The following AGPAT3 variants were observed in gnomAD, a reference collection of about 807,000 sequenced individuals.
AGPAT3 encodes 1-acylglycerol-3-phosphate O-acyltransferase 3, also known as 1-acyl-sn-glycerol-3-phosphate acyltransferase gamma.
In AGPAT3, 5 loss-of-function variants were observed where a neutral mutation model predicts 47.3. That is an observed-to-expected ratio of 0.11 (90% CI 0.06 to 0.22). The LOEUF (loss-of-function observed/expected upper bound fraction) is 0.22. AGPAT3 is among the 10% of genes least tolerant of loss of function. AGPAT3 has a pLI of 1.00. For missense variants in AGPAT3, 315 were observed against 493.0 expected, an observed-to-expected ratio of 0.64 and a Z score of 3.42; for synonymous variants, 212 against 208.3, an observed-to-expected ratio of 1.02 and a Z score of -0.15.
chr21:43,976,073 ATT>A (rs528646179), intron 7 of AGPAT3, among the ~76,000 whole-genome samples: 1 of 136,604 alleles, frequency 7.3e-6, no homozygotes. Flanking sequence ...AATGATTTTT[ATT>A]TTTTTTTTTT....
chr21:43,879,227 G>A (rs141781785), intron 1 of AGPAT3, among the ~76,000 whole-genome samples: 3 of 151,804 alleles, frequency 2.0e-5, no homozygotes, highest in Non-Finnish European at 2.9e-5. Flanking sequence ...GTGCGTGCCT[G>A]TAATCCCAGC....
chr21:43,918,231 G>GTTGTGGGTGTTGCGGCGGTTGTGGGTT (rs2086801328), intron 2 of AGPAT3, among the ~76,000 whole-genome samples: 9 of 151,976 alleles, frequency 5.9e-5, no homozygotes, highest in African/African-American at 1.9e-4. Context: ...GGTTGTGGGT[G>GTTGTGGGTGTTGCGGCGGTTGTGGGTT]TTGTGGGTGT....
chr21:43,918,421 G>T (rs1055982275), intron 2 of AGPAT3, among the ~76,000 whole-genome samples: 2 of 152,066 alleles, frequency 1.3e-5, no homozygotes, highest in Admixed American at 6.5e-5. Context: ...AGGGAAAAGG[G>T]TATAATTGCA....
chr21:43,897,385 C>T (rs997433739), intron 1 of AGPAT3, among the ~76,000 whole-genome samples: 15 of 152,042 alleles, frequency 9.9e-5, no homozygotes, highest in Admixed American at 6.6e-4. Flanking sequence ...ACAATCTGAT[C>T]CCTCTTTCTT....
chr21:43,986,979 T>C lies in AGPAT3; in HGVS notation c.*4587T>C, dbSNP rs776846658. 6.6e-5 allele frequency among the ~76,000 whole-genome samples: 10 copies of C among 152,256 alleles called. No individual in the cohort carries two copies. Among genetic ancestry groups the C allele is most frequent in the Non-Finnish European group, 1.2e-4 (8 of 68,040 alleles). ...GAGGCCTGTGTCCCAAAGGCCTGGC[T>C]GCGTTTGCCGTGCTGTGCGAGGACC... On this transcript the variant is annotated 3_prime_UTR_variant, in exon 10 of 10. Coordinates refer to ENST00000291572, the MANE Select transcript of AGPAT3 (RefSeq NM_020132.5).
At chr21:43,948,754 A>G (rs771449821) in intron 2 of AGPAT3, among the ~76,000 whole-genome samples, 4 of 152,346 alleles carry the variant, frequency 2.6e-5, no homozygotes, top group Non-Finnish European at 4.4e-5. Flanking sequence ...TATTTATTTT[A>G]TCAGTATCTA....
At chr21:43,902,809 G>A (rs2086388892) in intron 1 of AGPAT3, among the ~76,000 whole-genome samples, 1 of 152,178 alleles carries the variant, frequency 6.6e-6, no homozygotes, top group Non-Finnish European at 1.5e-5. Flanking sequence ...GACCAGCCTA[G>A]GCAACATAGT....
chr21:43,963,521 CCAACATGGT>C lies in AGPAT3; in HGVS notation c.178+3663_178+3671del, dbSNP rs368887047. ...GGTCAGGAGTTTGAGACCAGCCTGG[CCAACATGGT>C]GAAACCCCATCTCTACTAAAAATAT... On this transcript the variant is annotated intron_variant, in intron 3 of 9. Coordinates refer to ENST00000291572, the MANE Select transcript of AGPAT3 (RefSeq NM_020132.5). Among the ~76,000 whole-genome samples, 402 of 151,944 alleles carry C rather than the reference CCAACATGGT, an allele frequency of 2.6e-3. 1 individual carries two copies. Among genetic ancestry groups the C allele is most frequent in the African/African-American group, 9.4e-3 (389 of 41,452 alleles).
At chr21:43,876,836 T>A (rs2085743990) in intron 1 of AGPAT3, among the ~76,000 whole-genome samples, 1 of 152,038 alleles carries the variant, frequency 6.6e-6, no homozygotes, top group Admixed American at 6.6e-5. Context: ...GTTTTTGTTT[T>A]GTTTTGTTTT....
At chr21:43,938,025 G>A (rs962826703) in intron 2 of AGPAT3, among the ~76,000 whole-genome samples, 4 of 152,034 alleles carry the variant, frequency 2.6e-5, no homozygotes, top group Non-Finnish European at 5.9e-5. Context: ...GGAGGAGGAA[G>A]CAGCTCACAC....
intron 1 of AGPAT3, among the ~76,000 whole-genome samples, chr21:43,896,943 G>GTTTTTTTTTTT (rs61657564): frequency 2.4e-4 from 10 of 42,322 alleles, no homozygotes; most frequent in East Asian, 5.8e-4. Context: ...TTGACAGTCC[G>GTTTTTTTTTTT]TTTTTTTTTT....
intron 1 of AGPAT3, among the ~76,000 whole-genome samples, chr21:43,887,961 C>T (rs1394772426): frequency 2.0e-5 from 3 of 152,220 alleles, no homozygotes; most frequent in Non-Finnish European, 4.4e-5. Context: ...CCCATATACA[C>T]GTTCTTGTTG....
Position 43,920,001 on chromosome 21 carries a change from T to C in AGPAT3, c.-49+15982T>C, listed in dbSNP as rs1460021022. On this transcript the variant is annotated intron_variant, in intron 2 of 9. Transcript: ENST00000291572. This position sits in a 1 kb window ranked among gnomAD's most constrained non-coding sequence, Gnocchi z 6.1. ...CGGCTTTCCTCATGTGTGGGTGCCATGCGGGCGTCTGCATCTCCATGCTTG... is the reference window on the plus strand; with the variant it reads ...CGGCTTTCCTCATGTGTGGGTGCCACGCGGGCGTCTGCATCTCCATGCTTG... 6.6e-6 allele frequency: 1 copy of C among 152,212 alleles called. No individual in the cohort carries two copies. The highest frequency in any genetic ancestry group is 1.5e-5 in the Non-Finnish European group (1 of 68,032). 9.4% of individuals were successfully genotyped at this position (152,212 alleles called of 1,614,324 possible).
intron 2 of AGPAT3, among the ~76,000 whole-genome samples, chr21:43,912,831 C>T (rs758900022): frequency 2.6e-4 from 40 of 152,202 alleles, no homozygotes; most frequent in Non-Finnish European, 3.5e-4. Flanking sequence ...GGTATTCCAT[C>T]GCTGTGCATG....
intron 2 of AGPAT3, among the ~76,000 whole-genome samples, chr21:43,916,035 T>C (rs1024740291): frequency 6.6e-5 from 10 of 152,230 alleles, no homozygotes; most frequent in African/African-American, 2.2e-4. Flanking sequence ...AAGAAGATAA[T>C]GTTTAAATTT....
chr21:43,894,465 GA>G (rs2086171907), intron 1 of AGPAT3, among the ~76,000 whole-genome samples: 1 of 151,946 alleles, frequency 6.6e-6, no homozygotes, highest in Non-Finnish European at 1.5e-5. Flanking sequence ...ATTTCGAGGG[GA>G]TAAGTGTGAT....
At chr21:43,946,576 G>C (rs2087898854) in intron 2 of AGPAT3, among the ~76,000 whole-genome samples, 1 of 150,642 alleles carries the variant, frequency 6.6e-6, no homozygotes. Flanking sequence ...TTCCAGCCTA[G>C]GGGACAAAAC....
At chr21:43,897,403 C>T (rs990661156) in intron 1 of AGPAT3, among the ~76,000 whole-genome samples, 11 of 152,044 alleles carry the variant, frequency 7.2e-5, no homozygotes, top group Admixed American at 6.6e-4. Flanking sequence ...CTTTTCCCCA[C>T]ATTTCCCCCT....
intron 1 of AGPAT3, among the ~76,000 whole-genome samples, chr21:43,888,760 G>T (rs2086036547): frequency 6.6e-6 from 1 of 152,228 alleles, no homozygotes; most frequent in African/African-American, 2.4e-5. Context: ...GGAGGCCAAG[G>T]CGAGCGGATC....
Sources: allele counts gnomAD v4.1 joint callset (sites outside exome capture counted in the v4.1 genomes callset), GRCh38; gene constraint gnomAD v4.1.1; non-coding constraint Gnocchi (gnomAD v3.1); transcripts MANE v1.5; gene names NCBI Gene and HGNC (gene_info 2026-07-23, HGNC 2026-07-21).